Variants in MNAT1 observed in about 807,000 individuals in gnomAD.
MNAT1 encodes the protein MNAT1 component of CDK activating kinase.
A neutral mutation model predicts 42.0 loss-of-function variants in MNAT1; 43 were observed. That is an observed-to-expected ratio of 1.02 (90% CI 0.80 to 1.32). The LOEUF (loss-of-function observed/expected upper bound fraction) is 1.32, where lower values mean the gene tolerates loss of function less well. MNAT1 is among the 40% of genes most tolerant of loss of function. The probability of loss-of-function intolerance (pLI) is 0.00; values close to 1 mark genes in which losing one functional copy is unlikely to be tolerated. For synonymous variants in MNAT1, 118 were observed against 120.0 expected, an observed-to-expected ratio of 0.98 and a Z score of 0.11; for missense variants, 306 against 350.4, an observed-to-expected ratio of 0.87 and a Z score of 1.01.
intron 7 of MNAT1, among the ~76,000 whole-genome samples, chr14:60,955,267 T>C (rs1462291625): frequency 6.6e-6 from 1 of 152,020 alleles, no homozygotes; most frequent in Non-Finnish European, 1.5e-5. Flanking sequence ...TTTAGAAAAA[T>C]TTGAAGAAGG....
chr14:60,880,262 T>C (rs2034522378), intron 7 of MNAT1, among the ~76,000 whole-genome samples: 1 of 152,142 alleles, frequency 6.6e-6, no homozygotes, highest in Non-Finnish European at 1.5e-5. Flanking sequence ...AGCCATGAAA[T>C]ATATTTTGTT....
intron 7 of MNAT1, among the ~76,000 whole-genome samples, chr14:60,918,293 C>G (rs2035575910): frequency 7.5e-6 from 1 of 133,608 alleles, no homozygotes; most frequent in Non-Finnish European, 1.5e-5. Flanking sequence ...ACTGCAAGCT[C>G]TGCCTCCCGG....
At chr14:60,923,485 C>T (rs1202941015) in intron 7 of MNAT1, among the ~76,000 whole-genome samples, 1 of 152,164 alleles carries the variant, frequency 6.6e-6, no homozygotes, top group Non-Finnish European at 1.5e-5. Context: ...CTTATCTTTA[C>T]ATTTTATACT....
chr14:60,834,667 G>A (rs902025330), intron 6 of MNAT1, among the ~76,000 whole-genome samples: 4 of 152,120 alleles, frequency 2.6e-5, no homozygotes, highest in Non-Finnish European at 4.4e-5. Flanking sequence ...GTAGATGTCT[G>A]TTAGGTCCAC....
chr14:60,796,787 T>C (rs773160361), intron 2 of MNAT1, among the ~76,000 whole-genome samples: 6 of 152,154 alleles, frequency 3.9e-5, no homozygotes, highest in African/African-American at 7.2e-5. Context: ...AAACAAATGT[T>C]ATTTATTATA....
Position 60,898,095 on chromosome 14 carries a change from TTGTGTGTGTGTGTGTGTG to T in MNAT1, c.809+18289_809+18306del, listed in dbSNP as rs756357048. Reference sequence around the variant, plus strand: ...CTTTGAATGGCTAAATAGTAATACATTGTGTGTGTGTGTGTGTGTGTGTGTGTGTGTGTGTGTGTGTGT... The same window carrying T: ...CTTTGAATGGCTAAATAGTAATACATTGTGTGTGTGTGTGTGTGTGTGTGT... On this transcript the variant is annotated intron_variant, in intron 7 of 7. Transcript: ENST00000261245. Among the ~76,000 whole-genome samples the T allele has an allele frequency of 1.1e-4, 16 of 143,782 alleles. 1 individual carries two copies. The highest frequency in any genetic ancestry group is 9.0e-4 in the South Asian group (4 of 4,442). The allele number at this position is 143,782 out of a possible 152,430, so 94.3% of individuals were successfully genotyped here.
chr14:60,836,508 C>G (rs1002133943), intron 6 of MNAT1, among the ~76,000 whole-genome samples: 3 of 152,334 alleles, frequency 2.0e-5, no homozygotes, highest in Admixed American at 2.0e-4. Context: ...TGCTGCAGGT[C>G]TGCTGGAGTT....
intron 6 of MNAT1, among the ~76,000 whole-genome samples, chr14:60,836,338 C>T (rs1289517543): frequency 1.3e-5 from 2 of 152,134 alleles, no homozygotes; most frequent in Admixed American, 6.5e-5. Flanking sequence ...GAATTTTCAG[C>T]CTTTTTGCAC....
At chr14:60,903,611 AT>A (rs2035118795) in intron 7 of MNAT1, among the ~76,000 whole-genome samples, 1 of 152,180 alleles carries the variant, frequency 6.6e-6, no homozygotes, top group Non-Finnish European at 1.5e-5. Context: ...GATATAGAAT[AT>A]TTGTATAATC....
rs575044400 is a variant in MNAT1 at position 60,852,930 on chromosome 14, G to C, written c.688-26784G>C. On this transcript the variant is annotated intron_variant, in intron 6 of 7. Transcript: ENST00000261245. ...ATATCTGTTTTGTTAACAGTATCAT[G>C]CTGTTTTGGTTACTGTAGCCTTGTA... Among the ~76,000 whole-genome samples the C allele has an allele frequency of 2.8e-4, 43 of 152,288 alleles. 1 individual carries two copies. Among genetic ancestry groups the C allele is most frequent in the African/African-American group, 1.0e-3 (43 of 41,550 alleles).
chr14:60,875,720 A>T (rs1273361332), intron 6 of MNAT1, among the ~76,000 whole-genome samples: 1 of 152,106 alleles, frequency 6.6e-6, no homozygotes, highest in Non-Finnish European at 1.5e-5. Context: ...AAGACTTTGA[A>T]TTATAAGACA....
chr14:60,894,079 G>A (rs983034491), intron 7 of MNAT1, among the ~76,000 whole-genome samples: 2 of 152,102 alleles, frequency 1.3e-5, no homozygotes, highest in South Asian at 2.1e-4. Flanking sequence ...TGGGCACAGG[G>A]CTGTTTCCTG....
chr14:60,948,008 C>T (rs1301953401), intron 7 of MNAT1, among the ~76,000 whole-genome samples: 1 of 152,170 alleles, frequency 6.6e-6, no homozygotes, highest in Non-Finnish European at 1.5e-5. Context: ...AATCTTTTCT[C>T]TTTGCTTCCT....
intron 7 of MNAT1, among the ~76,000 whole-genome samples, chr14:60,882,052 T>C (rs2139467205): frequency 6.6e-6 from 1 of 152,242 alleles, no homozygotes; most frequent in African/African-American, 2.4e-5. Context: ...TCACAGCTAC[T>C]TGGGAGGCTG....
intron 1 of MNAT1, among the ~76,000 whole-genome samples, chr14:60,777,716 C>A (rs2031303379): frequency 6.6e-6 from 1 of 151,988 alleles, no homozygotes; most frequent in Non-Finnish European, 1.5e-5. Flanking sequence ...TGATACCTTT[C>A]ATGTTTACAT....
At chr14:60,831,597 T>C (rs576386364) in intron 6 of MNAT1, among the ~76,000 whole-genome samples, 1 of 152,358 alleles carries the variant, frequency 6.6e-6, no homozygotes, top group Non-Finnish European at 1.5e-5. Flanking sequence ...TTTGGGTTGG[T>C]TCCAAGTCTT....
chr14:60,827,810 A>C (rs2033097454), intron 6 of MNAT1, among the ~76,000 whole-genome samples: 1 of 152,204 alleles, frequency 6.6e-6, no homozygotes, highest in African/African-American at 2.4e-5. Flanking sequence ...TATGGCATAT[A>C]ATTAACTAGG....
rs563034226 is a variant in MNAT1 at position 60,881,960 on chromosome 14, G to C, written c.809+2125G>C. ...AGATCACTTGAGGTCAGGAGTTTGA[G>C]GCAAGCCTGGCCAACATGATGAAAC... On this transcript the variant is annotated intron_variant, in intron 7 of 7. Transcript: ENST00000261245. Among the ~76,000 whole-genome samples the C allele has an allele frequency of 2.0e-5, 3 of 152,170 alleles. No homozygotes were observed. In the South Asian group the frequency reaches 6.2e-4, roughly 32 times the overall value.
intron 1 of MNAT1, among the ~76,000 whole-genome samples, chr14:60,778,026 G>C (rs2031314086): frequency 6.6e-6 from 1 of 152,122 alleles, no homozygotes. Context: ...ATCTGTGCTG[G>C]GTCTAACTTG....
Sources: gnomAD v4.1 joint callset for allele counts (sites outside exome capture counted in the v4.1 genomes callset) on GRCh38, gnomAD v4.1.1 for gene constraint, MANE v1.5 for transcripts, NCBI Gene and HGNC (gene_info 2026-07-23, HGNC 2026-07-21) for gene names.